The following ALK variants were observed in gnomAD, a reference collection of about 807,000 sequenced individuals.
ALK encodes the protein ALK tyrosine kinase receptor.
ALK carries 74 observed loss-of-function variants against 163.1 expected under a neutral mutation model. The observed-to-expected ratio is 0.45, with a 90% CI of 0.38 to 0.55. ALK has a LOEUF of 0.55. Among genes scored for constraint, ALK ranks in the 20% least tolerant of loss-of-function variants. The pLI, the probability that ALK is intolerant of heterozygous loss-of-function variation, is 0.00. For synonymous variants in ALK, 960 were observed against 843.2 expected (o/e 1.14, Z -2.40); for missense variants, 2,063 against 2,105.3 (o/e 0.98, Z 0.39).
intron 1 of ALK, 33 bp downstream of exon 1, chr2:29,919,960 A>C (rs1667943214): frequency 6.2e-7 from 1 of 1,608,884 alleles, no homozygotes; most frequent in East Asian, 2.2e-5. Flanking sequence ...TAAAAACACT[A>C]AATCCCGGCA....
At chr2:29,304,805 C>T (rs966224072) in intron 8 of ALK, among the ~76,000 whole-genome samples, 17 of 152,196 alleles carry the variant, frequency 1.1e-4, no homozygotes, top group African/African-American at 2.4e-4. Context: ...TAACCACCAC[C>T]CCTTCCCTGC....
intron 4 of ALK, among the ~76,000 whole-genome samples, chr2:29,461,798 T>G (rs1235513867): frequency 6.6e-6 from 1 of 152,156 alleles, no homozygotes; most frequent in Non-Finnish European, 1.5e-5. Flanking sequence ...TCAGTCTTAT[T>G]ATTTAATAAA....
intron 12 of ALK, among the ~76,000 whole-genome samples, chr2:29,250,310 G>A (rs963603852): frequency 5.9e-5 from 9 of 152,196 alleles, no homozygotes; most frequent in Admixed American, 3.9e-4. Context: ...TTTGTAAAAC[G>A]AGGATGGCAG....
At chr2:29,739,684 T>A (rs541029814) in intron 1 of ALK, among the ~76,000 whole-genome samples, 71 of 152,266 alleles carry the variant, frequency 4.7e-4, no homozygotes, top group Admixed American at 2.3e-3. Flanking sequence ...GCCTCCTTTT[T>A]CTCATCTGTT....
intron 11 of ALK, among the ~76,000 whole-genome samples, chr2:29,274,888 T>G (rs1338402331): frequency 6.6e-6 from 1 of 152,172 alleles, no homozygotes; most frequent in Non-Finnish European, 1.5e-5. Context: ...AGCTGCTCCT[T>G]TGTACAACCT....
chr2:29,607,483 C>G (rs2148218907), intron 3 of ALK, among the ~76,000 whole-genome samples: 1 of 152,314 alleles, frequency 6.6e-6, no homozygotes, highest in Non-Finnish European at 1.5e-5. Flanking sequence ...TTCCCATCCT[C>G]TCTTGAACCC....
chr2:29,787,631 G>T lies in ALK; in HGVS notation c.668-69934C>A, dbSNP rs188267315. 2.0e-3 allele frequency among the ~76,000 whole-genome samples: 301 copies of T among 152,330 alleles called. 3 individuals are homozygous for T. The highest frequency in any genetic ancestry group is 0.017 in the South Asian group (84 of 4,820). On this transcript the variant is annotated intron_variant, in intron 1 of 28. Coordinates refer to ENST00000389048, the MANE Select transcript of ALK (RefSeq NM_004304.5). ...ATTCGTGGGTCAGATTTTAGAAAAT[G>T]AGTCAGAGTTAGCCAGGAAGAGAAT...
chr2:29,617,525 C>T (rs761087873), intron 3 of ALK, among the ~76,000 whole-genome samples: 1 of 152,192 alleles, frequency 6.6e-6, no homozygotes, highest in African/African-American at 2.4e-5. Flanking sequence ...GTGACTAGCA[C>T]CTAGTGAGCA....
intron 1 of ALK, among the ~76,000 whole-genome samples, chr2:29,821,620 T>C (rs1665050065): frequency 6.6e-6 from 1 of 152,166 alleles, no homozygotes; most frequent in African/African-American, 2.4e-5. Flanking sequence ...CTTCCCCTGA[T>C]GAAGGGCATC....
At chr2:29,789,015 C>CTGTGTGTGTGTGTGTGTGTG (rs57619106) in intron 1 of ALK, among the ~76,000 whole-genome samples, 2,657 of 125,430 alleles carry the variant, frequency 0.021, 129 homozygotes, top group Non-Finnish European at 0.029. Flanking sequence ...TCCTGGTACA[C>CTGTGTGTGTGTGTGTGTGTG]TGTGTGTGTG....
intron 3 of ALK, among the ~76,000 whole-genome samples, chr2:29,689,142 G>A (rs1234328782): frequency 6.7e-6 from 1 of 148,358 alleles, no homozygotes; most frequent in African/African-American, 2.6e-5. Flanking sequence ...AGGTGTCAGA[G>A]GTCCCCATCA....
chr2:29,785,850 C>G (rs1663999234), intron 1 of ALK, among the ~76,000 whole-genome samples: 2 of 151,050 alleles, frequency 1.3e-5, no homozygotes. Flanking sequence ...CCCTTGGTAT[C>G]AGGAAGCACA....
At chr2:29,398,112 C>A (rs558041378) in intron 4 of ALK, among the ~76,000 whole-genome samples, 1 of 152,242 alleles carries the variant, frequency 6.6e-6, no homozygotes, top group East Asian at 1.9e-4. Flanking sequence ...GCATGAGAGG[C>A]AGGGGCACAT....
rs10524599 is a variant in ALK, at chr2:29,785,912, TACACACACACACACACACACACACACAC to T, written c.668-68243_668-68216del. The stretch of plus-strand genomic sequence containing the variant: ...ACATAGGGGGAAATGTTTTTGAGTA[TACACACACACACACACACACACACACAC>T]ACACACACACACACACACATTACCC... On this transcript the variant is annotated intron_variant, in intron 1 of 28. Transcript: ENST00000389048. 4.1e-5 allele frequency among the ~76,000 whole-genome samples: 6 copies of T among 146,736 alleles called. No individual in the cohort carries two copies. The South Asian group carries it at 1.1e-3, about 27-fold the overall frequency.
At chr2:29,468,640 G>A (rs1239140140) in intron 4 of ALK, among the ~76,000 whole-genome samples, 1 of 151,866 alleles carries the variant, frequency 6.6e-6, no homozygotes, top group African/African-American at 2.4e-5. Flanking sequence ...TTTGAGCCCA[G>A]GGGTTCAGGA....
At chr2:29,643,104 A>G (rs1209241824) in intron 3 of ALK, among the ~76,000 whole-genome samples, 1 of 152,186 alleles carries the variant, frequency 6.6e-6, no homozygotes, top group African/African-American at 2.4e-5. Context: ...AAAGAGATAA[A>G]ATGGTATGGG....
intron 3 of ALK, among the ~76,000 whole-genome samples, chr2:29,691,067 T>C (rs144953348): frequency 3.3e-5 from 5 of 152,314 alleles, no homozygotes; most frequent in African/African-American, 9.6e-5. Flanking sequence ...CCTTCACTTC[T>C]TTCCCTGAAG....
chr2:29,399,851 A>T (rs1573319736), intron 4 of ALK, among the ~76,000 whole-genome samples: 1 of 152,206 alleles, frequency 6.6e-6, no homozygotes, highest in East Asian at 1.9e-4. Context: ...TGGTACTGGG[A>T]TAATGCAAGA....
chr2:29,244,053 C>T (rs1006416268), intron 12 of ALK, among the ~76,000 whole-genome samples: 3 of 152,182 alleles, frequency 2.0e-5, no homozygotes, highest in Non-Finnish European at 4.4e-5. Flanking sequence ...GGCTGCCTGC[C>T]GGATCCTGAA....
Sources: gnomAD v4.1 joint callset for allele counts (sites outside exome capture counted in the v4.1 genomes callset) on GRCh38, gnomAD v4.1.1 for gene constraint, MANE v1.5 for transcripts, NCBI Gene and HGNC (gene_info 2026-07-23, HGNC 2026-07-21) for gene names.